The following TRABD2B variants were observed in gnomAD, a reference collection of about 807,000 sequenced individuals.
TRABD2B encodes metalloprotease TIKI2.
In TRABD2B, 14 loss-of-function variants were observed where a neutral mutation model predicts 40.1. That is an observed-to-expected ratio of 0.35 (90% CI 0.23 to 0.55). The LOEUF (loss-of-function observed/expected upper bound fraction) is 0.55. Among genes scored for constraint, TRABD2B ranks in the 20% least tolerant of loss-of-function variants. TRABD2B has a pLI of 0.90. For missense variants in TRABD2B, 541 were observed against 648.6 expected, an observed-to-expected ratio of 0.83 and a Z score of 1.80; for synonymous variants, 263 against 277.0, an observed-to-expected ratio of 0.95 and a Z score of 0.50.
chr1:47,905,717 T>G (rs1354927579), intron 2 of TRABD2B, among the ~76,000 whole-genome samples: 1 of 152,166 alleles, frequency 6.6e-6, no homozygotes, highest in African/African-American at 2.4e-5. Flanking sequence ...TCTCTTTTCT[T>G]TCTCTTTCTA....
intron 2 of TRABD2B, among the ~76,000 whole-genome samples, chr1:47,949,401 C>CTTTTTT (rs35027686): frequency 1.8e-3 from 148 of 80,268 alleles, no homozygotes; most frequent in Middle Eastern, 0.014. Flanking sequence ...TCTTTTCTTT[C>CTTTTTT]TTTTTTTTTT....
intron 2 of TRABD2B, among the ~76,000 whole-genome samples, chr1:47,875,145 G>A (rs1379997639): frequency 6.6e-6 from 1 of 151,884 alleles, no homozygotes; most frequent in East Asian, 1.9e-4. Flanking sequence ...TCTAGGGCAG[G>A]CTAAGCCTTA....
At chr1:47,901,938 G>A (rs1029911690) in intron 2 of TRABD2B, among the ~76,000 whole-genome samples, 4 of 152,108 alleles carry the variant, frequency 2.6e-5, no homozygotes, top group Non-Finnish European at 4.4e-5. Context: ...CACCTGTGGG[G>A]CAAGGAGCCA....
chr1:47,888,090 T>A (rs1223325442), intron 2 of TRABD2B, among the ~76,000 whole-genome samples: 1 of 152,212 alleles, frequency 6.6e-6, no homozygotes, highest in African/African-American at 2.4e-5. Context: ...TGGTTCGTGA[T>A]GAATTGTCTT....
In TRABD2B at chr1:47,813,769, T is replaced by G. The variant is rs1644995525; in HGVS notation, c.667-12150A>C. Among the ~76,000 whole-genome samples the G allele has an allele frequency of 6.6e-6, 1 of 152,256 alleles. No homozygotes were observed. The highest frequency in any genetic ancestry group is 1.5e-5 in the Non-Finnish European group (1 of 68,054). The stretch of plus-strand genomic sequence containing the variant: ...TGGGTCCCAGTTGCAGGAGGTGTTC[T>G]GAAGAGAGGCTGGAATTCTGCATAT... On this transcript the variant is annotated intron_variant, in intron 2 of 6. Transcript: ENST00000606738. The surrounding 1 kb of genome is among the most constrained non-coding windows in gnomAD (Gnocchi z 4.3).
intron 2 of TRABD2B, among the ~76,000 whole-genome samples, chr1:47,972,894 T>C (rs1200215698): frequency 6.6e-6 from 1 of 152,118 alleles, no homozygotes; most frequent in Admixed American, 6.5e-5. Context: ...TCCTAGTAAA[T>C]GAGGCATCTC....
intron 2 of TRABD2B, among the ~76,000 whole-genome samples, chr1:47,974,527 T>C (rs1645727187): frequency 6.6e-6 from 1 of 152,210 alleles, no homozygotes; most frequent in Admixed American, 6.5e-5. Context: ...TATCATGACC[T>C]AAAATTATTT....
At chr1:47,980,434 C>T (rs993405726) in intron 2 of TRABD2B, among the ~76,000 whole-genome samples, 1 of 152,176 alleles carries the variant, frequency 6.6e-6, no homozygotes, top group African/African-American at 2.4e-5. Flanking sequence ...TAGGACCCTC[C>T]AGATCACCTG....
intron 2 of TRABD2B, among the ~76,000 whole-genome samples, chr1:47,968,047 G>A (rs752252640): frequency 3.3e-5 from 5 of 152,244 alleles, no homozygotes; most frequent in Non-Finnish European, 5.9e-5. Context: ...ATAATGCAAT[G>A]ATGAGCATGT....
intron 2 of TRABD2B, among the ~76,000 whole-genome samples, chr1:47,892,212 T>C (rs955056311): frequency 1.3e-5 from 2 of 152,202 alleles, no homozygotes; most frequent in Admixed American, 6.5e-5. Context: ...CTGTAGGATG[T>C]AGACATGACA....
chr1:47,838,685 T>C (rs1645351922), intron 2 of TRABD2B, among the ~76,000 whole-genome samples: 1 of 152,192 alleles, frequency 6.6e-6, no homozygotes, highest in Non-Finnish European at 1.5e-5. Context: ...AAACCACAAA[T>C]GGTCAGTGCT....
chr1:47,831,275 T>C (rs993545406), intron 2 of TRABD2B, among the ~76,000 whole-genome samples: 1 of 152,040 alleles, frequency 6.6e-6, no homozygotes, highest in Non-Finnish European at 1.5e-5. Context: ...GAATTATTAA[T>C]AGGTCCTACT....
chr1:47,901,826 T>C (rs1043364468), intron 2 of TRABD2B, among the ~76,000 whole-genome samples: 2 of 152,072 alleles, frequency 1.3e-5, no homozygotes, highest in Non-Finnish European at 2.9e-5. Context: ...ACAAGTGTCA[T>C]GTGAAAATCC....
At position 47,963,663 on chromosome 1, in the gene TRABD2B, AGTT is replaced by A. The variant is rs200581605; in HGVS notation, c.666+30368_666+30370del. ...ATTTATTTGCTTCCAGTCCTTGTGC[AGTT>A]GTTAATTCTGGCTAAAATTTCCCAG... On this transcript the variant is annotated intron_variant, in intron 2 of 6. Coordinates refer to ENST00000606738, the MANE Select transcript of TRABD2B (RefSeq NM_001194986.2). Among the ~76,000 whole-genome samples, 86 of 152,348 alleles carry A rather than the reference AGTT, an allele frequency of 5.6e-4. 1 individual carries two copies. The East Asian group carries it at 0.014, about 24-fold the overall frequency.
chr1:47,956,660 G>A (rs113264829), intron 2 of TRABD2B, among the ~76,000 whole-genome samples: 1 of 152,224 alleles, frequency 6.6e-6, no homozygotes, highest in African/African-American at 2.4e-5. Context: ...GCTGGCGGAG[G>A]GGCGCCCGCC....
chr1:47,877,211 G>C (rs1378129854), intron 2 of TRABD2B, among the ~76,000 whole-genome samples: 1 of 151,930 alleles, frequency 6.6e-6, no homozygotes, highest in African/African-American at 2.4e-5. Flanking sequence ...TGGGGCTGGG[G>C]GGTGGGCAGG....
At position 47,792,175 on chromosome 1, in the gene TRABD2B, G is replaced by A. The variant is rs151319472; in HGVS notation, c.988+2411C>T. Among the ~76,000 whole-genome samples, 322 of 152,334 alleles carry A rather than the reference G, an allele frequency of 2.1e-3. 3 individuals carry two copies. The highest frequency in any genetic ancestry group is 7.1e-3 in the African/African-American group (296 of 41,570). ...AGTGGATTCATGAGAGCGGAGGTGA[G>A]TCTCCCTTTGCCCTGACTTTACTGC... On this transcript the variant is annotated intron_variant, in intron 4 of 6. Coordinates refer to ENST00000606738, the MANE Select transcript of TRABD2B (RefSeq NM_001194986.2).
chr1:47,939,398 G>A (rs1030676507), intron 2 of TRABD2B, among the ~76,000 whole-genome samples: 4 of 152,166 alleles, frequency 2.6e-5, no homozygotes, highest in African/African-American at 9.7e-5. Flanking sequence ...ATGATAAGAA[G>A]ATTTTAAATG....
intron 2 of TRABD2B, among the ~76,000 whole-genome samples, chr1:47,938,173 T>C (rs1178268123): frequency 6.6e-6 from 1 of 152,172 alleles, no homozygotes; most frequent in African/African-American, 2.4e-5. Flanking sequence ...CAGAAAGGGA[T>C]GTATAGTCCA....
Sources: gnomAD v4.1 joint callset for allele counts (sites outside exome capture counted in the v4.1 genomes callset) on GRCh38, gnomAD v4.1.1 for gene constraint, Gnocchi (gnomAD v3.1) non-coding constraint, MANE v1.5 for transcripts, NCBI Gene and HGNC (gene_info 2026-07-23, HGNC 2026-07-21) for gene names.